Variants in GOLGA4 observed in about 807,000 individuals in gnomAD.
The protein encoded by GOLGA4 is golgin subfamily A member 4.
GOLGA4 carries 169 observed loss-of-function variants against 265.9 expected under a neutral mutation model. The observed-to-expected ratio is 0.64, with a 90% confidence interval of 0.56 to 0.72. The LOEUF is 0.72. Among genes scored for constraint, GOLGA4 ranks in the 30% least tolerant of loss-of-function variants. GOLGA4 has a pLI of 0.00. For synonymous variants in GOLGA4, 923 were observed against 855.8 expected, an observed-to-expected ratio of 1.08 and a Z score of -1.37; for missense variants, 2,482 against 2,483.4, an observed-to-expected ratio of 1.00 and a Z score of 0.01.
intron 21 of GOLGA4, among the ~76,000 whole-genome samples, chr3:37,347,678 A>T (rs1379538777): frequency 6.6e-6 from 1 of 152,174 alleles, no homozygotes; most frequent in African/African-American, 2.4e-5. Flanking sequence ...AGTCATAATT[A>T]TTAGCTACCT....
chr3:37,332,772 ATTT>A (rs1007388179), intron 16 of GOLGA4, among the ~76,000 whole-genome samples: 13 of 151,852 alleles, frequency 8.6e-5, no homozygotes, highest in Non-Finnish European at 1.6e-4. Flanking sequence ...ATATATTCTT[ATTT>A]TTTATTTTTT....
intron 20 of GOLGA4, among the ~76,000 whole-genome samples, chr3:37,346,638 T>C (rs1465449125): frequency 6.6e-6 from 1 of 152,236 alleles, no homozygotes; most frequent in East Asian, 1.9e-4. Context: ...ACTGTACATA[T>C]GAAGTGTTTC....
chr3:37,248,564 T>C (rs2096725722), intron 1 of GOLGA4, among the ~76,000 whole-genome samples: 1 of 152,188 alleles, frequency 6.6e-6, no homozygotes, highest in African/African-American at 2.4e-5. Context: ...TTATATACTT[T>C]ATACTCACAT....
rs771484821 is a variant in GOLGA4, at chr3:37,326,929, G to T, written c.5043G>T (p.Leu1681Phe). 11 of 1,613,728 alleles carry T rather than the reference G, an allele frequency of 6.8e-6. No homozygotes were observed. The highest frequency in any genetic ancestry group is 5.0e-5 in the Admixed American group (3 of 59,984). The change falls in exon 14 of 24, where the codon TTG (leucine) becomes TTT (phenylalanine). Residue 1681 changes from leucine to phenylalanine, a missense_variant. Leu to Phe is a conservative substitution (Grantham distance 22). Coordinates refer to ENST00000361924, the MANE Select transcript of GOLGA4 (RefSeq NM_002078.5). ...ESHLSELNTK[L>F]QEREREVHIL... ...ATTTGAGTGAGCTAAATACAAAATT[G>T]CAGGAAAGAGAAAGGGAAGTTCACA... is the stretch of plus-strand genomic sequence containing the variant.
At chr3:37,318,751 G>C (rs976922844) in intron 11 of GOLGA4, among the ~76,000 whole-genome samples, 1 of 152,108 alleles carries the variant, frequency 6.6e-6, no homozygotes, top group African/African-American at 2.4e-5. Context: ...CCCTCTCTGA[G>C]AGCATCCTTA....
chr3:37,337,659 C>G lies in GOLGA4; in HGVS notation c.6328-7C>G, dbSNP rs368692012. 23 of 1,601,076 alleles carry G rather than the reference C, an allele frequency of 1.4e-5. No individual in the cohort carries two copies. Among genetic ancestry groups the G allele is most frequent in the Non-Finnish European group, 1.9e-5 (22 of 1,168,190 alleles). On this transcript the variant is annotated splice_polypyrimidine_tract_variant and splice_region_variant and intron_variant, in intron 18 of 23. Transcript: ENST00000361924. Reference sequence around the variant, plus strand: ...TGCATTTCAGATCTGACTTTTTGTTCTTTCAGACACAGCTAGCACAGAAGA... The same window carrying G: ...TGCATTTCAGATCTGACTTTTTGTTGTTTCAGACACAGCTAGCACAGAAGA...
At chr3:37,340,633 AT>A (rs1279711124) in intron 20 of GOLGA4, among the ~76,000 whole-genome samples, 4 of 152,144 alleles carry the variant, frequency 2.6e-5, no homozygotes, top group African/African-American at 9.7e-5. Context: ...ACAGTCCCTT[AT>A]AACCACCAGT....
chr3:37,276,730 C>G (rs368621818), intron 2 of GOLGA4: 4 of 811,696 alleles, frequency 4.9e-6, no homozygotes, highest in Non-Finnish European at 8.2e-6. Context: ...TTGTTTTTGA[C>G]CTAACATCCC....
intron 10 of GOLGA4, among the ~76,000 whole-genome samples, chr3:37,307,247 AAT>A (rs1323108943): frequency 6.6e-6 from 1 of 152,216 alleles, no homozygotes. Flanking sequence ...TTGTGCAGGA[AAT>A]ATGTTTTTTA....
chr3:37,347,180 T>C lies in GOLGA4; in HGVS notation c.6473-13T>C. On this transcript the variant is annotated splice_polypyrimidine_tract_variant and intron_variant, in intron 20 of 23. Transcript: ENST00000361924. Reference sequence around the variant, plus strand: ...TTTGTCTTTACAGTTTGATCTATTTTTTTATTTGGCAGGTGGCAATTTGTA... The same window carrying C: ...TTTGTCTTTACAGTTTGATCTATTTCTTTATTTGGCAGGTGGCAATTTGTA... 1 of 1,535,702 alleles carries C rather than the reference T, an allele frequency of 6.5e-7. No homozygotes were observed. The highest frequency in any genetic ancestry group is 9.0e-7 in the Non-Finnish European group (1 of 1,110,202).
intron 2 of GOLGA4, among the ~76,000 whole-genome samples, chr3:37,268,102 A>G (rs1331087897): frequency 6.6e-6 from 1 of 151,952 alleles, no homozygotes; most frequent in Non-Finnish European, 1.5e-5. Flanking sequence ...TATTTGTTTG[A>G]GTGGGGTCTC....
At chr3:37,297,927 G>A (rs931738919) in intron 7 of GOLGA4, among the ~76,000 whole-genome samples, 1 of 152,134 alleles carries the variant, frequency 6.6e-6, no homozygotes. Flanking sequence ...TACTTGGGAG[G>A]TTGAGGCAGG....
chr3:37,315,313 A>C, intron 10 of GOLGA4, 107 bp from the exon 11 acceptor site: 1 of 900,762 alleles, frequency 1.1e-6, no homozygotes, highest in Admixed American at 2.8e-5. Context: ...GAGTTTTTTA[A>C]CCTATCCTGC....
intron 20 of GOLGA4, among the ~76,000 whole-genome samples, chr3:37,346,090 G>A (rs568098188): frequency 2.0e-5 from 3 of 152,278 alleles, no homozygotes; most frequent in Non-Finnish European, 4.4e-5. Context: ...GGGAAATAAT[G>A]TGTTTTCATT....
intron 22 of GOLGA4, among the ~76,000 whole-genome samples, chr3:37,357,100 A>T (rs555717113): frequency 6.6e-6 from 1 of 151,562 alleles, no homozygotes; most frequent in Admixed American, 6.6e-5. Context: ...AGTTTAACTT[A>T]AAAAAAAAGA....
At chr3:37,318,734 T>C (rs895313708) in intron 11 of GOLGA4, among the ~76,000 whole-genome samples, 4 of 152,202 alleles carry the variant, frequency 2.6e-5, no homozygotes, top group African/African-American at 9.7e-5. Flanking sequence ...CCTTCACCAG[T>C]GTAGTGCCCT....
intron 2 of GOLGA4, 139 bp downstream of exon 2, chr3:37,251,623 GTCTT>G: frequency 2.1e-6 from 1 of 484,582 alleles, no homozygotes; most frequent in Non-Finnish European, 3.5e-6. Flanking sequence ...AACACAATTG[GTCTT>G]TTTTTTTTTT....
rs769319011 is a variant in GOLGA4 at position 37,302,227 on chromosome 3, C to T, written c.1129C>T (p.Leu377=). 9 of 1,613,162 alleles carry T rather than the reference C, an allele frequency of 5.6e-6. No homozygotes were observed. Among genetic ancestry groups the T allele is most frequent in the African/African-American group, 5.3e-5 (4 of 74,884 alleles). The part of the protein sequence containing the change: ...AETKRQMHET[L]EMKEEEIAQL... The stretch of plus-strand genomic sequence containing the variant: ...GACAAAACGTCAGATGCATGAAACC[C>T]TGGAAATGAAAGAAGAAGAAATTGC... Residue 377 remains leucine (L), a synonymous_variant, in exon 10 of 24, where the codon CTG becomes TTG. Transcript: ENST00000361924.
chr3:37,315,312 A>G lies in GOLGA4; in HGVS notation c.1235-108A>G, dbSNP rs1578653090. ...GGCTTAGAACAGTGATGAGTTTTTT[A>G]ACCTATCCTGCTACTGCTGCTCTTA... On this transcript the variant is annotated intron_variant, in intron 10 of 23. Transcript: ENST00000361924. 1.7e-5 allele frequency: 15 copies of G among 895,568 alleles called. No homozygotes were observed. In the East Asian group the frequency reaches 3.9e-4, roughly 24 times the overall value. The allele number at this position is 895,568 out of a possible 1,614,324, so 55.5% of individuals were successfully genotyped here. A position where few individuals can be genotyped will look rare whatever the true frequency, so the allele number is the denominator to read the frequency against.
Sources: allele counts gnomAD v4.1 joint callset (sites outside exome capture counted in the v4.1 genomes callset), GRCh38; gene constraint gnomAD v4.1.1; transcripts MANE v1.5; gene names NCBI Gene and HGNC (gene_info 2026-07-23, HGNC 2026-07-21).